Variants in SREBF2 observed in about 807,000 individuals in gnomAD.
The protein encoded by SREBF2 is sterol regulatory element binding transcription factor 2, also known as sterol regulatory element-binding protein 2.
In SREBF2, 55 loss-of-function variants were observed where a neutral mutation model predicts 113.1. The observed-to-expected ratio is 0.49, with a 90% CI of 0.39 to 0.61. SREBF2 has a LOEUF of 0.61. Among genes scored for constraint, SREBF2 ranks in the 20% least tolerant of loss-of-function variants. SREBF2 has a pLI of 0.00. For synonymous variants in SREBF2, 593 were observed against 605.7 expected, an observed-to-expected ratio of 0.98 and a Z score of 0.31; for missense variants, 1,349 against 1,487.4, an observed-to-expected ratio of 0.91 and a Z score of 1.53.
At chr22:41,836,254 G>T (rs1461744620) in intron 1 of SREBF2, among the ~76,000 whole-genome samples, 3 of 152,262 alleles carry the variant, frequency 2.0e-5, no homozygotes, top group Non-Finnish European at 1.5e-5. Flanking sequence ...AAGTATTCAA[G>T]TGCTGGCTGT....
Position 41,894,820 on chromosome 22 carries a change from C to T in SREBF2, c.2378C>T (p.Ala793Val). 1.2e-6 allele frequency: 2 copies of T among 1,614,004 alleles called. No individual in the cohort carries two copies. The highest frequency in any genetic ancestry group is 1.7e-6 in the Non-Finnish European group (2 of 1,179,856). ...ESLYCAQRNP[A>V]DPIAQVHQAF... ...CCCCCCTTGCCTGTCTCTTTTCCAG[C>T]TGACCCCATTGCGCAGGTCCACCAG... Residue 793 changes from alanine to valine, a missense_variant and splice_region_variant, in exon 13 of 19, where the codon GCT becomes GTT. Coordinates refer to ENST00000361204, the MANE Select transcript of SREBF2 (RefSeq NM_004599.4).
chr22:41,883,720 G>T (rs1453759643), intron 10 of SREBF2, among the ~76,000 whole-genome samples: 2 of 152,188 alleles, frequency 1.3e-5, no homozygotes, highest in African/African-American at 2.4e-5. Flanking sequence ...ATGGAGTGTG[G>T]AGGCTGAGAT....
chr22:41,893,251 C>CA lies in SREBF2; in HGVS notation c.2345dup (p.Glu783GlyfsTer12). 1 of 1,614,164 alleles carries CA rather than the reference C, an allele frequency of 6.2e-7. No homozygotes were observed. The highest frequency in any genetic ancestry group is 8.5e-7 in the Non-Finnish European group (1 of 1,180,030). The stretch of plus-strand genomic sequence containing the variant: ...GGAGCTGGTCTGTGAAGTCAGCTGC[C>CA]AAGGAGAGTCTATACTGTGCCCAGA... On this transcript the variant is annotated frameshift_variant, in exon 12 of 19. Coordinates refer to ENST00000361204, the MANE Select transcript of SREBF2 (RefSeq NM_004599.4). LOFTEE classifies it high-confidence loss of function.
chr22:41,882,876 G>A (rs2077261682), intron 10 of SREBF2, among the ~76,000 whole-genome samples: 1 of 152,220 alleles, frequency 6.6e-6, no homozygotes, highest in South Asian at 2.1e-4. Flanking sequence ...GGTCAAGGAA[G>A]GAAGGTCGCT....
At chr22:41,890,383 C>T (rs769436086) in intron 11 of SREBF2, among the ~76,000 whole-genome samples, 15 of 152,210 alleles carry the variant, frequency 9.9e-5, no homozygotes, top group Admixed American at 3.3e-4. Context: ...CTGTTTTCCT[C>T]GAAAGTTTAA....
chr22:41,900,130 A>C (rs1322548430), intron 15 of SREBF2, 200 bp from the exon 16 acceptor site: 1 of 1,472,396 alleles, frequency 6.8e-7, no homozygotes, highest in African/African-American at 1.4e-5. Context: ...AAGGTGCTAA[A>C]GGGTGGGGCG....
chr22:41,888,989 G>A (rs1157506253), intron 11 of SREBF2, among the ~76,000 whole-genome samples: 1 of 152,166 alleles, frequency 6.6e-6, no homozygotes, highest in Non-Finnish European at 1.5e-5. Context: ...GTGGAGGGCT[G>A]GCCTCTGTGA....
Position 41,873,791 on chromosome 22 carries a change from A to AT in SREBF2, c.868-5dup. ...ATCATTCTGCTGTGTACCTGTCCCT[A>AT]TTCTAGACCCTGGTGGGCAGCAGTG... On this transcript the variant is annotated splice_polypyrimidine_tract_variant and splice_region_variant and intron_variant, in intron 4 of 18. Transcript: ENST00000361204. 1 of 1,597,630 alleles carries AT rather than the reference A, an allele frequency of 6.3e-7. No individual in the cohort carries two copies. Among genetic ancestry groups the AT allele is most frequent in the Non-Finnish European group, 8.5e-7 (1 of 1,171,398 alleles).
chr22:41,893,081 A>T, intron 11 of SREBF2, 36 bp from the exon 12 acceptor site: 1 of 1,610,698 alleles, frequency 6.2e-7, no homozygotes, highest in Non-Finnish European at 8.5e-7. Flanking sequence ...GCATTCTGCC[A>T]CCTTGGTGTT....
At chr22:41,849,406 G>A (rs1039358484) in intron 1 of SREBF2, among the ~76,000 whole-genome samples, 7 of 152,004 alleles carry the variant, frequency 4.6e-5, no homozygotes, top group African/African-American at 1.7e-4. Flanking sequence ...ACCAGGCCAG[G>A]CTGGTCTTGA....
At chr22:41,843,233 A>G (rs1168789543) in intron 1 of SREBF2, among the ~76,000 whole-genome samples, 3 of 152,190 alleles carry the variant, frequency 2.0e-5, no homozygotes, top group African/African-American at 4.8e-5. Flanking sequence ...CCTGTTCTTT[A>G]TTAGTTATTG....
At chr22:41,844,528 G>T (rs924194774) in intron 1 of SREBF2, among the ~76,000 whole-genome samples, 1 of 152,168 alleles carries the variant, frequency 6.6e-6, no homozygotes, top group African/African-American at 2.4e-5. Context: ...GTGCCTTAAG[G>T]TAAGGCTCCC....
rs368202190 is a variant in SREBF2 at position 41,877,190 on chromosome 22, A to G, written c.1387-39A>G. On this transcript the variant is annotated intron_variant, in intron 7 of 18. Coordinates refer to ENST00000361204, the MANE Select transcript of SREBF2 (RefSeq NM_004599.4). The stretch of plus-strand genomic sequence containing the variant: ...TATTTATAAAGTGCTGTAAAAACCT[A>G]TGCAGTATTTATTCCAACCTCGAGG... The G allele has an allele frequency of 5.0e-6, 8 of 1,592,998 alleles. No individual in the cohort carries two copies. In the African/African-American group the frequency reaches 6.7e-5, roughly 13 times the overall value.
intron 1 of SREBF2, among the ~76,000 whole-genome samples, chr22:41,865,700 C>T (rs765130833): frequency 7.2e-5 from 11 of 152,130 alleles, no homozygotes; most frequent in Non-Finnish European, 1.0e-4. Context: ...AGGGGCACAA[C>T]CAGACAAGGG....
intron 1 of SREBF2, among the ~76,000 whole-genome samples, chr22:41,837,556 TAAAA>T (rs764852977): frequency 6.6e-5 from 5 of 75,416 alleles, no homozygotes; most frequent in African/African-American, 1.4e-4. Flanking sequence ...AGACTCTGTC[TAAAA>T]AAAAAAAAAA....
At chr22:41,843,934 T>G (rs4269017) in intron 1 of SREBF2, among the ~76,000 whole-genome samples, 1 of 150,328 alleles carries the variant, frequency 6.7e-6, no homozygotes, top group Non-Finnish European at 1.5e-5. Context: ...GAGGATCACT[T>G]GAGCCTAAGA....
At chr22:41,852,239 A>G (rs984481171) in intron 1 of SREBF2, among the ~76,000 whole-genome samples, 3 of 151,064 alleles carry the variant, frequency 2.0e-5, no homozygotes, top group East Asian at 3.8e-4. Context: ...AATTAAATAC[A>G]TTTTATTATG....
At chr22:41,877,483 C>G in intron 8 of SREBF2, 62 bp downstream of exon 8, 1 of 1,575,434 alleles carries the variant, frequency 6.3e-7, no homozygotes, top group East Asian at 2.3e-5. Flanking sequence ...GAGAAGGACC[C>G]TGTGTACAAA....
chr22:41,834,807 G>GA (rs1446368737), intron 1 of SREBF2: 1 of 152,220 alleles, frequency 6.6e-6, no homozygotes, highest in Non-Finnish European at 1.5e-5. Context: ...ACAAATGGGG[G>GA]ATGGGGTAGG....
Sources: gnomAD v4.1 joint callset for allele counts (sites outside exome capture counted in the v4.1 genomes callset) on GRCh38, gnomAD v4.1.1 for gene constraint, MANE v1.5 for transcripts, NCBI Gene and HGNC (gene_info 2026-07-23, HGNC 2026-07-21) for gene names.